LYRM7: variants seen among roughly 807,000 people sequenced by gnomAD.
LYRM7 encodes complex III assembly factor LYRM7.
LYRM7 carries 9 observed loss-of-function variants against 15.8 expected under a neutral mutation model. The observed-to-expected ratio is 0.57, with a 90% CI of 0.34 to 0.99. LYRM7 has a LOEUF of 0.99. Ranked by LOEUF, LYRM7 falls within the 50% of genes least tolerant of loss-of-function variation. The pLI is 0.02. For synonymous variants in LYRM7, 39 were observed against 39.4 expected (o/e 0.99, Z 0.04); for missense variants, 115 against 119.1 (o/e 0.97, Z 0.16).
intron 1 of LYRM7, among the ~76,000 whole-genome samples, chr5:131,176,396 T>C (rs1348531358): frequency 6.6e-6 from 1 of 152,204 alleles, no homozygotes; most frequent in Non-Finnish European, 1.5e-5. Flanking sequence ...CTCTTTTTAT[T>C]GACTGTCTTT....
At chr5:131,180,306 G>T in intron 2 of LYRM7, 139 bp downstream of exon 2, 1 of 511,244 alleles carries the variant, frequency 2.0e-6, no homozygotes, top group Non-Finnish European at 3.4e-6. Context: ...ATAAAGATTA[G>T]CTTATATTAC....
chr5:131,176,631 A>G (rs907058517), intron 1 of LYRM7, among the ~76,000 whole-genome samples: 2 of 151,820 alleles, frequency 1.3e-5, no homozygotes, highest in Non-Finnish European at 2.9e-5. Context: ...TGGGTAAATT[A>G]CATAATGGTG....
chr5:131,182,346 T>A (rs542418348), intron 3 of LYRM7, 47 bp downstream of exon 3: 8 of 1,294,846 alleles, frequency 6.2e-6, no homozygotes, highest in Admixed American at 3.3e-5. Context: ...AATTATCTTG[T>A]CAAAGAGGAA....
chr5:131,176,693 A>G (rs1755608048), intron 1 of LYRM7, among the ~76,000 whole-genome samples: 1 of 152,118 alleles, frequency 6.6e-6, no homozygotes, highest in Non-Finnish European at 1.5e-5. Context: ...ATTGTACCCA[A>G]TAGGTAATTT....
rs569962027 is a variant in LYRM7 at position 131,172,814 on chromosome 5, A to G, written c.18+1776A>G. ...TACTTGTCCAAGCTTACATTAAGTG[A>G]CAATCTCAGATTCAAACTCATCTGA... On this transcript the variant is annotated intron_variant, in intron 1 of 4. Transcript: ENST00000379380. Among the ~76,000 whole-genome samples the G allele has an allele frequency of 2.0e-5, 3 of 152,350 alleles. No homozygotes were observed. The East Asian group carries it at 5.8e-4, about 29-fold the overall frequency.
In LYRM7 at chr5:131,202,606, A is replaced by T. The variant is rs1433987020; in HGVS notation, c.*3005A>T. On this transcript the variant is annotated 3_prime_UTR_variant, in exon 5 of 5. Transcript: ENST00000379380. ...AGCACACTGCAGCCTAGAATTTCTGACCTCAAGCAATCATCCTGCCTCAGC... is the reference window on the plus strand; with the variant it reads ...AGCACACTGCAGCCTAGAATTTCTGTCCTCAAGCAATCATCCTGCCTCAGC... 6.5e-6 allele frequency: 1 copy of T among 152,822 alleles called. No individual in the cohort carries two copies. Among genetic ancestry groups the T allele is most frequent in the Non-Finnish European group, 1.5e-5 (1 of 68,058 alleles). 9.5% of individuals were successfully genotyped at this position (152,822 alleles called of 1,614,324 possible).
intron 1 of LYRM7, among the ~76,000 whole-genome samples, chr5:131,173,527 C>T (rs1485573736): frequency 1.3e-5 from 2 of 152,184 alleles, no homozygotes; most frequent in African/African-American, 2.4e-5. Flanking sequence ...GGGCGGATCA[C>T]AAGGTCAAGA....
chr5:131,174,143 T>C (rs1420674069), intron 1 of LYRM7, among the ~76,000 whole-genome samples: 1 of 152,234 alleles, frequency 6.6e-6, no homozygotes, highest in Non-Finnish European at 1.5e-5. Flanking sequence ...ATTTCAACAA[T>C]GTTTACAGCA....
At chr5:131,181,769 A>G (rs1755717471) in intron 2 of LYRM7, among the ~76,000 whole-genome samples, 1 of 151,964 alleles carries the variant, frequency 6.6e-6, no homozygotes, top group South Asian at 2.1e-4. Context: ...ATGTCAGCCA[A>G]GACACTTAAA....
chr5:131,182,053 G>A (rs1755721708), intron 2 of LYRM7, among the ~76,000 whole-genome samples, 176 bp from the exon 3 acceptor site: 1 of 152,182 alleles, frequency 6.6e-6, no homozygotes, highest in South Asian at 2.1e-4. Flanking sequence ...TTGTCACCCT[G>A]TCAAAAGCTC....
chr5:131,185,313 C>T (rs771155490), intron 3 of LYRM7, among the ~76,000 whole-genome samples: 13 of 152,268 alleles, frequency 8.5e-5, no homozygotes, highest in Non-Finnish European at 1.9e-4. Flanking sequence ...GAACCACATC[C>T]CCCTCATTCT....
chr5:131,188,409 TAAA>T (rs760021801), intron 4 of LYRM7, among the ~76,000 whole-genome samples: 12,506 of 129,378 alleles, frequency 0.097, 613 homozygotes, highest in South Asian at 0.15. Context: ...AAGCCACATG[TAAA>T]AAAAAAAAAA....
chr5:131,178,961 C>CAAAAAA (rs58612746), intron 1 of LYRM7, among the ~76,000 whole-genome samples: 4 of 62,932 alleles, frequency 6.4e-5, no homozygotes, highest in South Asian at 7.1e-4. Flanking sequence ...GACTCCGTCT[C>CAAAAAA]AAAAAAAAAA....
At chr5:131,185,063 TC>T (rs1755776201) in intron 3 of LYRM7, among the ~76,000 whole-genome samples, 2 of 152,114 alleles carry the variant, frequency 1.3e-5, no homozygotes, top group African/African-American at 4.8e-5. Context: ...CAAGCCACCA[TC>T]ATCTCTCTTG....
rs145450986 is a variant in LYRM7 at position 131,176,569 on chromosome 5, T to G, written c.19-3526T>G. ...TCTATTCAAATTCTTTGACTTTTTA[T>G]TTTTCTTAATTTTATTTTAGATTCA... On this transcript the variant is annotated intron_variant, in intron 1 of 4. Transcript: ENST00000379380. Among the ~76,000 whole-genome samples, 29 of 152,186 alleles carry G rather than the reference T, an allele frequency of 1.9e-4. No homozygotes were observed. The East Asian group carries it at 5.6e-3, about 29-fold the overall frequency.
rs771040796 is a variant in LYRM7, at chr5:131,199,598, A to G, written c.312A>G (p.Gln104=). ...ATTGTGATGCACCAACTCAGAAGCA[A>G]TGAGTTTTCTAGAATACAACAAGTC... ...VPYCDAPTQK[Q] Residue 104 remains glutamine, a synonymous_variant, in exon 5 of 5, where the codon CAA becomes CAG. Coordinates refer to ENST00000379380, the MANE Select transcript of LYRM7 (RefSeq NM_181705.4). The G allele has an allele frequency of 8.8e-6, 14 of 1,598,800 alleles. No individual in the cohort carries two copies. Among genetic ancestry groups the G allele is most frequent in the African/African-American group, 5.4e-5 (4 of 74,412 alleles).
At chr5:131,177,993 G>A (rs745940709) in intron 1 of LYRM7, among the ~76,000 whole-genome samples, 1 of 152,106 alleles carries the variant, frequency 6.6e-6, no homozygotes, top group Non-Finnish European at 1.5e-5. Context: ...GCTTTTGGGA[G>A]TTTTTGGAAT....
intron 4 of LYRM7, among the ~76,000 whole-genome samples, chr5:131,197,918 G>A (rs1219479232): frequency 6.7e-6 from 1 of 149,920 alleles, no homozygotes; most frequent in Admixed American, 6.6e-5. Flanking sequence ...TTTTTATTTT[G>A]AAATAATTCA....
chr5:131,173,811 G>A (rs1392668772), intron 1 of LYRM7, among the ~76,000 whole-genome samples: 1 of 152,178 alleles, frequency 6.6e-6, no homozygotes, highest in Admixed American at 6.5e-5. Context: ...GCTATAAAAT[G>A]CTAACAATTA....
Sources: gnomAD v4.1 joint callset for allele counts (sites outside exome capture counted in the v4.1 genomes callset) on GRCh38, gnomAD v4.1.1 for gene constraint, MANE v1.5 for transcripts, NCBI Gene and HGNC (gene_info 2026-07-23, HGNC 2026-07-21) for gene names.